Variants in PLA2G2F observed in about 807,000 individuals in gnomAD.
PLA2G2F encodes group IIF secretory phospholipase A2.
In PLA2G2F, 17 loss-of-function variants were observed where a neutral mutation model predicts 15.9. The observed-to-expected ratio is 1.07, with a 90% CI of 0.73 to 1.60. The LOEUF (loss-of-function observed/expected upper bound fraction) is 1.60, where lower values mean the gene tolerates loss of function less well. PLA2G2F is among the 40% of genes most tolerant of loss of function. The probability of loss-of-function intolerance (pLI) is 0.00; values close to 1 mark genes in which losing one functional copy is unlikely to be tolerated. For missense variants in PLA2G2F, 299 were observed against 278.2 expected (o/e 1.07, Z -0.53); for synonymous variants, 119 against 106.5 (o/e 1.12, Z -0.72).
intron 4 of PLA2G2F, 55 bp downstream of exon 4, chr1:20,144,744 C>T: frequency 1.4e-6 from 2 of 1,427,176 alleles, no homozygotes; most frequent in Non-Finnish European, 1.9e-6. Context: ...CTGGCTCTAC[C>T]AGCCTGTGCT....
chr1:20,139,766 G>T (rs372230015), intron 1 of PLA2G2F, among the ~76,000 whole-genome samples: 3 of 152,208 alleles, frequency 2.0e-5, no homozygotes, highest in African/African-American at 7.2e-5. Flanking sequence ...TTTTGGAAGC[G>T]GTGCTGGGAC....
intron 1 of PLA2G2F, 49 bp downstream of exon 1, chr1:20,139,592 C>T (rs1442262924): frequency 7.4e-7 from 1 of 1,346,278 alleles, no homozygotes; most frequent in Non-Finnish European, 1.0e-6. Context: ...GGGGCAGGGA[C>T]AGGCGTGAGG....
intron 4 of PLA2G2F, among the ~76,000 whole-genome samples, chr1:20,147,947 T>G (rs142115004): frequency 0.019 from 2,931 of 152,214 alleles, 49 homozygotes; most frequent in Non-Finnish European, 0.032. Context: ...TTCCCCAATT[T>G]TACTATGCAC....
At chr1:20,143,290 C>T (rs543078575) in intron 2 of PLA2G2F, 156 bp from the exon 3 acceptor site, 25 of 921,806 alleles carry the variant, frequency 2.7e-5, no homozygotes, top group Admixed American at 1.1e-4. Flanking sequence ...TAGCTGCCCA[C>T]GCTTCTTGCC....
Position 20,148,487 on chromosome 1 carries a change from G to C in PLA2G2F, c.*86G>C. ...GCAGGGAGGGTAGGAGCCAGGCCAG[G>C]AGCCTGAGGGTTGCTGGTTGCCTCC... is the stretch of plus-strand genomic sequence containing the variant. On this transcript the variant is annotated 3_prime_UTR_variant, in exon 5 of 5. Transcript: ENST00000375102. 1.7e-6 allele frequency: 2 copies of C among 1,150,970 alleles called. No individual in the cohort carries two copies. Among genetic ancestry groups the C allele is most frequent in the Non-Finnish European group, 2.5e-6 (2 of 796,188 alleles). The allele number at this position is 1,150,970 out of a possible 1,614,324, so 71.3% of individuals were successfully genotyped here. A position where few individuals can be genotyped will look rare whatever the true frequency, so the allele number is the denominator to read the frequency against.
chr1:20,148,058 C>A, intron 4 of PLA2G2F, 132 bp from the exon 5 acceptor site: 2 of 757,344 alleles, frequency 2.6e-6, no homozygotes, highest in Non-Finnish European at 4.6e-6. Context: ...TGGTGCTGGT[C>A]CTGCCGCCCA....
chr1:20,147,385 G>T lies in PLA2G2F; in HGVS notation c.425-805G>T, dbSNP rs550683433. 8.5e-5 allele frequency among the ~76,000 whole-genome samples: 13 copies of T among 152,068 alleles called. No homozygotes were observed. In the South Asian group the frequency reaches 2.7e-3, roughly 32 times the overall value. On this transcript the variant is annotated intron_variant, in intron 4 of 4. Transcript: ENST00000375102. ...TTGCCCTGGATTAGGCATGTGAGAG[G>T]CTCTTAGGCACTAAGCTTTTGAACA...
At position 20,139,514 on chromosome 1, in the gene PLA2G2F, CG is replaced by C; in HGVS notation, c.91del (p.Ala31ProfsTer14). On this transcript the variant is annotated frameshift_variant, in exon 1 of 5. Coordinates refer to ENST00000375102, the MANE Select transcript of PLA2G2F (RefSeq NM_022819.4). LOFTEE classifies it high-confidence loss of function. The part of the protein sequence containing the change: ...CFSGWRGPRF[G>X]ASCPSRTSRS... The stretch of plus-strand genomic sequence containing the variant: ...TCTCTGGGTGGAGGGGCCCACGCTT[CG>C]GGGCCTCCTGTCCTTCAAGAACCTC... 1 of 1,568,224 alleles carries C rather than the reference CG, an allele frequency of 6.4e-7. No individual in the cohort carries two copies.
At chr1:20,144,352 G>A (rs1320873055) in intron 3 of PLA2G2F, among the ~76,000 whole-genome samples, 6 of 152,234 alleles carry the variant, frequency 3.9e-5, no homozygotes, top group Non-Finnish European at 7.3e-5. Flanking sequence ...GTCCTGGGAG[G>A]GGCAGGTCTG....
At chr1:20,147,451 C>CTT (rs879391906) in intron 4 of PLA2G2F, among the ~76,000 whole-genome samples, 11 of 144,564 alleles carry the variant, frequency 7.6e-5, no homozygotes, top group East Asian at 6.0e-4. Flanking sequence ...ACTCCCTCTT[C>CTT]TTTTTTTTTT....
At chr1:20,145,404 C>A (rs980824621) in intron 4 of PLA2G2F, among the ~76,000 whole-genome samples, 21 of 151,724 alleles carry the variant, frequency 1.4e-4, no homozygotes, top group Non-Finnish European at 2.4e-4. Flanking sequence ...GCTTCAGCCT[C>A]CCAAGTAGCT....
rs2017404338 is a variant in PLA2G2F at position 20,139,352 on chromosome 1, G to T, written c.-76G>T. On this transcript the variant is annotated 5_prime_UTR_variant, in exon 1 of 5. Transcript: ENST00000375102. Reference sequence around the variant, plus strand: ...GTGTGCGAGGCAGCGTGAAGCTGGGGCCTGCTCCCCGCAGCCTCTGGAGCG... The same window carrying T: ...GTGTGCGAGGCAGCGTGAAGCTGGGTCCTGCTCCCCGCAGCCTCTGGAGCG... 7.9e-6 allele frequency: 9 copies of T among 1,142,856 alleles called. No individual in the cohort carries two copies. The highest frequency in any genetic ancestry group is 6.4e-6 in the Non-Finnish European group (5 of 778,388). 70.8% of individuals were successfully genotyped at this position (1,142,856 alleles called of 1,614,324 possible).
In PLA2G2F at chr1:20,139,336, G is replaced by A; in HGVS notation, c.-92G>A. The A allele has an allele frequency of 1.0e-6, 1 of 960,246 alleles. No individual in the cohort carries two copies. Among genetic ancestry groups the A allele is most frequent in the Non-Finnish European group, 1.6e-6 (1 of 617,892 alleles). The allele number at this position is 960,246 out of a possible 1,614,324, so 59.5% of individuals were successfully genotyped here. Reference sequence around the variant, plus strand: ...TGCCACTCCCCTGCCAGTGTGCGAGGCAGCGTGAAGCTGGGGCCTGCTCCC... The same window carrying A: ...TGCCACTCCCCTGCCAGTGTGCGAGACAGCGTGAAGCTGGGGCCTGCTCCC... On this transcript the variant is annotated 5_prime_UTR_variant, in exon 1 of 5. Transcript: ENST00000375102.
At chr1:20,146,968 C>T (rs944258793) in intron 4 of PLA2G2F, among the ~76,000 whole-genome samples, 5 of 152,194 alleles carry the variant, frequency 3.3e-5, no homozygotes, top group African/African-American at 1.2e-4. Flanking sequence ...TGGTCACAGT[C>T]CCTGAGAGGT....
intron 3 of PLA2G2F, 42 bp from the exon 4 acceptor site, chr1:20,144,538 C>T (rs774556483): frequency 2.1e-5 from 30 of 1,445,718 alleles, no homozygotes; most frequent in South Asian, 9.6e-5. Context: ...GGAGATGGGC[C>T]GGCCCAGCCA....
chr1:20,145,079 C>A (rs866947278), intron 4 of PLA2G2F, among the ~76,000 whole-genome samples: 1 of 150,206 alleles, frequency 6.7e-6, no homozygotes, highest in Non-Finnish European at 1.5e-5. Flanking sequence ...GACTCTGTCT[C>A]GAAGAAGAAA....
At chr1:20,140,048 G>T in intron 1 of PLA2G2F, 118 bp from the exon 2 acceptor site, 2 of 1,051,394 alleles carry the variant, frequency 1.9e-6, no homozygotes, top group Middle Eastern at 2.8e-4. Flanking sequence ...GCAGCAACTA[G>T]GACATCAAGG....
At chr1:20,143,761 T>G in intron 3 of PLA2G2F, 171 bp downstream of exon 3, 1 of 826,148 alleles carries the variant, frequency 1.2e-6, no homozygotes, top group South Asian at 1.9e-5. Flanking sequence ...CTTTCCAAAC[T>G]GTTTTGAGCG....
intron 2 of PLA2G2F, chr1:20,142,523 C>G (rs571012207): frequency 6.6e-6 from 1 of 152,272 alleles, no homozygotes; most frequent in African/African-American, 2.4e-5. Flanking sequence ...AGAGAGCCAC[C>G]GCACAGGCAC....
Sources: gnomAD v4.1 joint callset for allele counts (sites outside exome capture counted in the v4.1 genomes callset) on GRCh38, gnomAD v4.1.1 for gene constraint, MANE v1.5 for transcripts, NCBI Gene and HGNC (gene_info 2026-07-23, HGNC 2026-07-21) for gene names.